Variants in FOXP2 observed in about 807,000 individuals in gnomAD.
FOXP2 encodes forkhead box P2.
FOXP2 carries 12 observed loss-of-function variants against 115.8 expected under a neutral mutation model. That is an observed-to-expected ratio of 0.10 (90% CI 0.07 to 0.17). The LOEUF is 0.17. Ranked by LOEUF, FOXP2 falls within the 10% of genes least tolerant of loss-of-function variation. The pLI is 1.00. For missense variants in FOXP2, 629 were observed against 843.5 expected (o/e 0.75, Z 3.15); for synonymous variants, 328 against 297.7 (o/e 1.10, Z -1.05).
intron 2 of FOXP2, among the ~76,000 whole-genome samples, chr7:114,514,086 TAC>T (rs141664873): frequency 0.063 from 9,416 of 148,318 alleles, 311 homozygotes; most frequent in South Asian, 0.097. Flanking sequence ...TTGTATCTTA[TAC>T]ACACACACAC....
chr7:114,220,210 A>G (rs1794588040), intron 1 of FOXP2, among the ~76,000 whole-genome samples: 1 of 152,002 alleles, frequency 6.6e-6, no homozygotes. Flanking sequence ...GGCTAGGCTT[A>G]GTTGTAGTTG....
chr7:114,220,530 C>T (rs1056904024), intron 1 of FOXP2, among the ~76,000 whole-genome samples: 3 of 152,122 alleles, frequency 2.0e-5, no homozygotes, highest in African/African-American at 7.2e-5. Context: ...AACATCATTT[C>T]AGGTAATATC....
intron 2 of FOXP2, among the ~76,000 whole-genome samples, chr7:114,444,717 C>A (rs1794755323): frequency 6.6e-6 from 1 of 152,050 alleles, no homozygotes. Context: ...AGATTGATGA[C>A]TGTATATTTC....
At chr7:114,118,459 CTTT>C (rs77145524) in intron 1 of FOXP2, among the ~76,000 whole-genome samples, 3 of 142,474 alleles carry the variant, frequency 2.1e-5, no homozygotes, top group Non-Finnish European at 4.6e-5. Flanking sequence ...GGATACCCCC[CTTT>C]TTTTTTTTTT....
At chr7:114,377,071 T>C (rs1792157808) in intron 2 of FOXP2, among the ~76,000 whole-genome samples, 1 of 152,098 alleles carries the variant, frequency 6.6e-6, no homozygotes, top group South Asian at 2.1e-4. Context: ...ATTGGTAATA[T>C]TATTAAATAA....
chr7:114,655,949 A>C (rs1806562556), intron 10 of FOXP2, among the ~76,000 whole-genome samples: 1 of 152,172 alleles, frequency 6.6e-6, no homozygotes, highest in Non-Finnish European at 1.5e-5. Flanking sequence ...CCCAACCTTG[A>C]CTATATTCAG....
intron 3 of FOXP2, among the ~76,000 whole-genome samples, chr7:114,545,150 C>A (rs531563494): frequency 6.6e-5 from 10 of 152,082 alleles, no homozygotes; most frequent in Non-Finnish European, 1.5e-4. Context: ...TCTTTTGGAA[C>A]AAGAAAACAG....
At chr7:114,557,438 C>T (rs770932134) in intron 3 of FOXP2, among the ~76,000 whole-genome samples, 6 of 152,072 alleles carry the variant, frequency 3.9e-5, no homozygotes, top group Non-Finnish European at 8.8e-5. Flanking sequence ...TGAAATTATG[C>T]TCTGAATGCT....
At chr7:114,534,397 T>C (rs971701454) in intron 2 of FOXP2, among the ~76,000 whole-genome samples, 4 of 151,850 alleles carry the variant, frequency 2.6e-5, no homozygotes, top group African/African-American at 9.7e-5. Context: ...AAATTAACTT[T>C]ATTTCCTGTA....
At chr7:114,585,728 G>A (rs1183914622) in intron 3 of FOXP2, among the ~76,000 whole-genome samples, 2 of 152,110 alleles carry the variant, frequency 1.3e-5, no homozygotes, top group Non-Finnish European at 2.9e-5. Context: ...TTAACTGGGT[G>A]TGGTGACATG....
chr7:114,391,996 AT>A (rs1792614720), intron 2 of FOXP2, among the ~76,000 whole-genome samples: 1 of 152,142 alleles, frequency 6.6e-6, no homozygotes, highest in Non-Finnish European at 1.5e-5. Context: ...TTTATATCTT[AT>A]TTATGTCAAG....
At chr7:114,526,939 A>T (rs1798906485) in intron 2 of FOXP2, among the ~76,000 whole-genome samples, 1 of 151,550 alleles carries the variant, frequency 6.6e-6, no homozygotes, top group South Asian at 2.1e-4. Context: ...CATTCTCATT[A>T]GCAGTCACTT....
intron 2 of FOXP2, among the ~76,000 whole-genome samples, chr7:114,440,408 C>A (rs752627021): frequency 3.7e-4 from 57 of 152,166 alleles, no homozygotes; most frequent in Non-Finnish European, 1.6e-4. Flanking sequence ...CTTCAGATCT[C>A]ATTCATGTAG....
chr7:114,415,594 TA>T (rs1793304318), intron 1 of FOXP2, among the ~76,000 whole-genome samples: 1 of 151,876 alleles, frequency 6.6e-6, no homozygotes, highest in African/African-American at 2.4e-5. Context: ...CTATCACTAG[TA>T]AAGACAGCAA....
At chr7:114,572,356 G>A (rs978292623) in intron 3 of FOXP2, among the ~76,000 whole-genome samples, 2 of 151,496 alleles carry the variant, frequency 1.3e-5, no homozygotes, top group Non-Finnish European at 3.0e-5. Flanking sequence ...TAATCCTATA[G>A]TATTTGGTCC....
intron 1 of FOXP2, among the ~76,000 whole-genome samples, chr7:114,124,234 C>T (rs1791643798): frequency 1.3e-5 from 2 of 152,024 alleles, no homozygotes. Context: ...TTCTTTCACT[C>T]CTACTTACAA....
intron 1 of FOXP2, among the ~76,000 whole-genome samples, chr7:114,281,272 T>C (rs1796331610): frequency 6.6e-6 from 1 of 151,858 alleles, no homozygotes; most frequent in African/African-American, 2.4e-5. Context: ...CGGCTAATTT[T>C]TGTATTTTTA....
chr7:114,436,405 C>A (rs1037806813), intron 2 of FOXP2, among the ~76,000 whole-genome samples: 3 of 151,078 alleles, frequency 2.0e-5, no homozygotes, highest in Admixed American at 1.3e-4. Context: ...AGGGCAAGGG[C>A]CATATCAGTT....
chr7:114,490,726 A>G (rs1051443078), intron 2 of FOXP2, among the ~76,000 whole-genome samples: 4 of 152,128 alleles, frequency 2.6e-5, no homozygotes, highest in Non-Finnish European at 5.9e-5. Flanking sequence ...TCATTGTTCA[A>G]TTCCCACCTA....
Sources: gnomAD v4.1 joint callset for allele counts (sites outside exome capture counted in the v4.1 genomes callset) on GRCh38, gnomAD v4.1.1 for gene constraint, MANE v1.5 for transcripts, NCBI Gene and HGNC (gene_info 2026-07-23, HGNC 2026-07-21) for gene names.